Variants in TRPC4AP observed in about 807,000 individuals in gnomAD.
The protein encoded by TRPC4AP is transient receptor potential cation channel subfamily C member 4 associated protein.
TRPC4AP carries 45 observed loss-of-function variants against 99.0 expected under a neutral mutation model. The observed-to-expected ratio is 0.45, with a 90% CI of 0.36 to 0.58. The LOEUF (loss-of-function observed/expected upper bound fraction) is 0.58, where lower values mean the gene tolerates loss of function less well. TRPC4AP is among the 20% of genes least tolerant of loss of function. The pLI, the probability that TRPC4AP is intolerant of heterozygous loss-of-function variation, is 0.00. For synonymous variants in TRPC4AP, 408 were observed against 385.8 expected, an observed-to-expected ratio of 1.06 and a Z score of -0.67; for missense variants, 879 against 985.3, an observed-to-expected ratio of 0.89 and a Z score of 1.44.
chr20:35,007,734 C>T (rs1569078875), intron 13 of TRPC4AP, 94 bp from the exon 14 acceptor site: 3 of 1,281,064 alleles, frequency 2.3e-6, no homozygotes, highest in Non-Finnish European at 3.4e-6. Context: ...GTTGCCTTTT[C>T]ATGTACTCAA....
chr20:35,090,508 G>C (rs2085026224), intron 1 of TRPC4AP, among the ~76,000 whole-genome samples: 1 of 151,406 alleles, frequency 6.6e-6, no homozygotes, highest in African/African-American at 2.4e-5. Flanking sequence ...AGAGTAGCTG[G>C]GATTACAGGT....
intron 3 of TRPC4AP, among the ~76,000 whole-genome samples, chr20:35,060,584 C>CGAAAAAAAAAAAAA (rs1569133058): frequency 4.4e-5 from 2 of 45,868 alleles, no homozygotes; most frequent in South Asian, 9.9e-4. Flanking sequence ...GACCTTGTCT[C>CGAAAAAAAAAAAAA]CAAAAAAAAA....
chr20:35,069,889 C>A (rs1340678621), intron 2 of TRPC4AP, among the ~76,000 whole-genome samples: 1 of 152,046 alleles, frequency 6.6e-6, no homozygotes, highest in Non-Finnish European at 1.5e-5. Context: ...TGCAGTGAGC[C>A]AACATAGAGC....
At chr20:35,083,652 T>G (rs899774111) in intron 1 of TRPC4AP, among the ~76,000 whole-genome samples, 1 of 151,304 alleles carries the variant, frequency 6.6e-6, no homozygotes, top group African/African-American at 2.4e-5. Context: ...CAATTTATAC[T>G]TCTATACCCA....
chr20:35,010,700 G>C (rs1159802889), intron 11 of TRPC4AP, among the ~76,000 whole-genome samples: 2 of 152,170 alleles, frequency 1.3e-5, no homozygotes, highest in Non-Finnish European at 2.9e-5. Context: ...CTGGTTAACT[G>C]TGACACTTCC....
At chr20:35,044,114 G>C (rs1412454908) in intron 7 of TRPC4AP, among the ~76,000 whole-genome samples, 1 of 152,144 alleles carries the variant, frequency 6.6e-6, no homozygotes, top group Non-Finnish European at 1.5e-5. Context: ...AGGGGTGCTA[G>C]GTGTGGTGGC....
intron 3 of TRPC4AP, among the ~76,000 whole-genome samples, chr20:35,060,630 C>T (rs6060193): frequency 0.73 from 105,075 of 144,882 alleles, 38,463 homozygotes; most frequent in Middle Eastern, 0.83. Context: ...GATTATACAC[C>T]ATGACACTAT....
chr20:35,015,596 G>A lies in TRPC4AP; in HGVS notation c.1350+412C>T, dbSNP rs2082736040. Among the ~76,000 whole-genome samples, 4 of 151,390 alleles carry A rather than the reference G, an allele frequency of 2.6e-5. No individual in the cohort carries two copies. In the South Asian group the frequency reaches 8.4e-4, roughly 32 times the overall value. On this transcript the variant is annotated intron_variant, in intron 10 of 18. Transcript: ENST00000252015. ...TGGTGCCTCAGCCTCCCGAAGAGTT[G>A]GGATTACAGGCACCCAACACCATAC...
At chr20:35,012,304 C>A (rs1042763338) in intron 11 of TRPC4AP, among the ~76,000 whole-genome samples, 3 of 152,202 alleles carry the variant, frequency 2.0e-5, no homozygotes, top group Non-Finnish European at 4.4e-5. Context: ...AAATCAGGAC[C>A]TTTCACATAA....
At chr20:35,048,561 T>C (rs1043240571) in intron 6 of TRPC4AP, among the ~76,000 whole-genome samples, 1 of 152,224 alleles carries the variant, frequency 6.6e-6, no homozygotes, top group Non-Finnish European at 1.5e-5. Flanking sequence ...AAATCCTTTG[T>C]TGGTTACCTG....
At chr20:35,011,743 G>A (rs2082642380) in intron 11 of TRPC4AP, among the ~76,000 whole-genome samples, 2 of 152,162 alleles carry the variant, frequency 1.3e-5, no homozygotes, top group South Asian at 4.1e-4. Flanking sequence ...AGGGGCTTCT[G>A]GCTAGAACAC....
chr20:35,010,867 A>C (rs1234741268), intron 11 of TRPC4AP, among the ~76,000 whole-genome samples: 1 of 152,220 alleles, frequency 6.6e-6, no homozygotes, highest in Non-Finnish European at 1.5e-5. Flanking sequence ...CGGTGAAAAC[A>C]CTTCCACAGC....
intron 10 of TRPC4AP, 47 bp downstream of exon 10, chr20:35,015,961 C>T (rs1219205817): frequency 6.2e-7 from 1 of 1,612,028 alleles, no homozygotes; most frequent in East Asian, 2.2e-5. Context: ...GAAACAACTA[C>T]TCCAAGCCAG....
At position 35,035,788 on chromosome 20, in the gene TRPC4AP, A is replaced by G. The variant is rs1295223003; in HGVS notation, c.866-480T>C. On this transcript the variant is annotated intron_variant, in intron 7 of 18. Transcript: ENST00000252015. ...AGACACTAAGAATGATGACACATAC[A>G]TCTTTATATAGTGACTCAAAACAGC... 4.0e-5 allele frequency among the ~76,000 whole-genome samples: 6 copies of G among 151,588 alleles called. No homozygotes were observed. In the East Asian group the frequency reaches 1.2e-3, roughly 29 times the overall value.
intron 1 of TRPC4AP, among the ~76,000 whole-genome samples, chr20:35,090,331 T>G (rs6060217): frequency 0.72 from 106,438 of 147,186 alleles, 38,846 homozygotes; most frequent in Middle Eastern, 0.83. Flanking sequence ...TAACCTGCCT[T>G]GCTTTTGTGG....
chr20:35,007,308 G>A (rs1182055733), intron 14 of TRPC4AP, among the ~76,000 whole-genome samples: 1 of 152,176 alleles, frequency 6.6e-6, no homozygotes, highest in Non-Finnish European at 1.5e-5. Flanking sequence ...TGCCTTGCTG[G>A]GTAACCAAAC....
At chr20:35,076,609 G>C (rs1018028956) in intron 2 of TRPC4AP, among the ~76,000 whole-genome samples, 37 of 152,212 alleles carry the variant, frequency 2.4e-4, no homozygotes, top group Non-Finnish European at 4.9e-4. Context: ...GCTGCTGCCT[G>C]ATCCTTTCTC....
At chr20:35,048,619 G>A (rs185846339) in intron 6 of TRPC4AP, among the ~76,000 whole-genome samples, 1 of 152,218 alleles carries the variant, frequency 6.6e-6, no homozygotes, top group East Asian at 1.9e-4. Flanking sequence ...TTTCTTTATG[G>A]TATCTATCCC....
chr20:35,052,787 C>T (rs745435194), intron 5 of TRPC4AP, among the ~76,000 whole-genome samples: 1 of 152,132 alleles, frequency 6.6e-6, no homozygotes, highest in Admixed American at 6.5e-5. Context: ...CCACCGTGCC[C>T]GGCCAACAGT....
Sources: allele counts gnomAD v4.1 joint callset (sites outside exome capture counted in the v4.1 genomes callset), GRCh38; gene constraint gnomAD v4.1.1; transcripts MANE v1.5; gene names NCBI Gene and HGNC (gene_info 2026-07-23, HGNC 2026-07-21).